AK9: variants seen among roughly 807,000 people sequenced by gnomAD.
AK9 encodes the protein adenylate kinase domain containing 1.
A neutral mutation model predicts 239.6 loss-of-function variants in AK9; 191 were observed. That is an observed-to-expected ratio of 0.80 (90% CI 0.71 to 0.90). The LOEUF (loss-of-function observed/expected upper bound fraction) is 0.90, where lower values mean the gene tolerates loss of function less well. AK9 is among the 40% of genes least tolerant of loss of function. AK9 has a pLI of 0.00. For synonymous variants in AK9, 689 were observed against 721.0 expected, an observed-to-expected ratio of 0.96 and a Z score of 0.71; for missense variants, 1,995 against 2,214.7, an observed-to-expected ratio of 0.90 and a Z score of 1.99.
At chr6:109,648,003 G>A (rs1267740216) in intron 8 of AK9, among the ~76,000 whole-genome samples, 1 of 152,068 alleles carries the variant, frequency 6.6e-6, no homozygotes, top group Non-Finnish European at 1.5e-5. Flanking sequence ...GGTACATAAT[G>A]AAATGAAGGC....
intron 38 of AK9, 89 bp from the exon 39 acceptor site, chr6:109,495,529 G>C (rs750722328): frequency 5.4e-6 from 5 of 928,900 alleles, no homozygotes; most frequent in Non-Finnish European, 7.7e-6. Flanking sequence ...AGAAGATAAA[G>C]TTCACTACTT....
chr6:109,544,096 G>A (rs1381573193), intron 26 of AK9, among the ~76,000 whole-genome samples: 1 of 152,102 alleles, frequency 6.6e-6, no homozygotes, highest in East Asian at 2.0e-4. Context: ...TCTGGCCTGG[G>A]CAAGAGAGGG....
chr6:109,601,128 T>G (rs972464618), intron 17 of AK9, among the ~76,000 whole-genome samples: 1 of 152,134 alleles, frequency 6.6e-6, no homozygotes, highest in Non-Finnish European at 1.5e-5. Flanking sequence ...GCTTTTGAAT[T>G]TGTTTGCTCT....
chr6:109,679,150 G>A (rs1039279496), intron 1 of AK9, among the ~76,000 whole-genome samples: 1 of 152,188 alleles, frequency 6.6e-6, no homozygotes, highest in Non-Finnish European at 1.5e-5. Context: ...AGGGAGCCAA[G>A]TGGTCTAGCT....
At chr6:109,658,102 T>G (rs193149928) in intron 7 of AK9, among the ~76,000 whole-genome samples, 15 of 152,320 alleles carry the variant, frequency 9.8e-5, no homozygotes, top group African/African-American at 3.6e-4. Context: ...CTTTTCACAA[T>G]TACAAATAAT....
intron 10 of AK9, 45 bp downstream of exon 10, chr6:109,641,473 A>G (rs1797437939): frequency 3.3e-6 from 5 of 1,517,724 alleles, no homozygotes; most frequent in Non-Finnish European, 2.7e-6. Context: ...CCTGCCCACA[A>G]CATATATTGA....
rs372237180 is a variant in AK9, at chr6:109,616,957, T to C, written c.1399+2135A>G. The stretch of plus-strand genomic sequence containing the variant: ...GAACTAGAAAGTAAGTTTAATAAAC[T>C]AGATAGTTATAAATAAATATATGAA... On this transcript the variant is annotated intron_variant, in intron 13 of 40. Coordinates refer to ENST00000424296, the MANE Select transcript of AK9 (RefSeq NM_001145128.3). 3.9e-5 allele frequency among the ~76,000 whole-genome samples: 6 copies of C among 152,266 alleles called. No individual in the cohort carries two copies. The East Asian group carries it at 1.2e-3, about 29-fold the overall frequency.
chr6:109,656,095 T>G (rs1036735431), intron 8 of AK9, among the ~76,000 whole-genome samples: 1 of 152,220 alleles, frequency 6.6e-6, no homozygotes. Flanking sequence ...TTGCTTAGCA[T>G]AGAGTCTGGC....
At chr6:109,621,886 G>A (rs1794859234) in intron 12 of AK9, among the ~76,000 whole-genome samples, 3 of 40,096 alleles carry the variant, frequency 7.5e-5, no homozygotes, top group Non-Finnish European at 1.3e-4. Flanking sequence ...AAAACTTAAA[G>A]TATAATTAAA....
At chr6:109,682,769 C>CA (rs1772869250) in intron 1 of AK9, among the ~76,000 whole-genome samples, 2 of 151,884 alleles carry the variant, frequency 1.3e-5, no homozygotes, top group East Asian at 3.9e-4. Flanking sequence ...GCCTACCAAC[C>CA]AAAAAAAGTC....
chr6:109,648,039 A>T (rs1332694134), intron 8 of AK9, among the ~76,000 whole-genome samples: 1 of 152,194 alleles, frequency 6.6e-6, no homozygotes, highest in Non-Finnish European at 1.5e-5. Flanking sequence ...CTTTGAAACC[A>T]ACGAGAACAA....
At chr6:109,650,980 G>A (rs1352204089) in intron 8 of AK9, among the ~76,000 whole-genome samples, 2 of 151,674 alleles carry the variant, frequency 1.3e-5, no homozygotes, top group Non-Finnish European at 2.9e-5. Context: ...CTATCGCAAG[G>A]ACAAAAAACC....
intron 1 of AK9, among the ~76,000 whole-genome samples, chr6:109,688,701 T>A (rs943560015): frequency 1.2e-4 from 19 of 152,208 alleles, no homozygotes; most frequent in African/African-American, 4.6e-4. Flanking sequence ...CTGGGTCTGG[T>A]GGAGGGGAGA....
intron 9 of AK9, among the ~76,000 whole-genome samples, chr6:109,643,548 A>C (rs10872052): frequency 0.58 from 88,610 of 152,000 alleles, 27,508 homozygotes; most frequent in South Asian, 0.84. Context: ...ATTCTCCTTT[A>C]GTTTTTTTCC....
chr6:109,546,402 T>C (rs1783574227), intron 25 of AK9, among the ~76,000 whole-genome samples: 1 of 152,236 alleles, frequency 6.6e-6, no homozygotes, highest in Non-Finnish European at 1.5e-5. Context: ...TTTACTTATT[T>C]TTGTTTTTGA....
chr6:109,522,312 C>T (rs1779951850), intron 29 of AK9, among the ~76,000 whole-genome samples: 1 of 151,916 alleles, frequency 6.6e-6, no homozygotes, highest in African/African-American at 2.4e-5. Context: ...ATTTGAAGAC[C>T]TCCTGCTCTC....
intron 17 of AK9, among the ~76,000 whole-genome samples, chr6:109,601,253 T>C (rs1375588416): frequency 6.6e-6 from 1 of 152,240 alleles, no homozygotes. Flanking sequence ...TTTAAATGTA[T>C]CCCAGAGATT....
At chr6:109,527,315 G>C (rs1780649204) in intron 29 of AK9, among the ~76,000 whole-genome samples, 1 of 152,182 alleles carries the variant, frequency 6.6e-6, no homozygotes, top group Admixed American at 6.5e-5. Flanking sequence ...TTTTGTTTAG[G>C]GCAAGAAGAC....
intron 5 of AK9, among the ~76,000 whole-genome samples, chr6:109,663,263 A>T: frequency 6.6e-6 from 1 of 152,124 alleles, no homozygotes; most frequent in East Asian, 1.9e-4. Context: ...TTTCCTTAAT[A>T]TATTTCTTCA....
Sources: gnomAD v4.1 joint callset for allele counts (sites outside exome capture counted in the v4.1 genomes callset) on GRCh38, gnomAD v4.1.1 for gene constraint, MANE v1.5 for transcripts, NCBI Gene and HGNC (gene_info 2026-07-23, HGNC 2026-07-21) for gene names.